The following MSH3 variants were observed in gnomAD, a reference collection of about 807,000 sequenced individuals.
MSH3 encodes mutS homolog 3.
MSH3 carries 106 observed loss-of-function variants against 123.3 expected under a neutral mutation model. The ratio of observed to expected loss-of-function variants is 0.86; its 90% CI spans 0.73 to 1.01. The LOEUF (loss-of-function observed/expected upper bound fraction) is 1.01, where lower values mean the gene tolerates loss of function less well. Ranked by LOEUF, MSH3 falls within the 50% of genes least tolerant of loss-of-function variation. The pLI, the probability that MSH3 is intolerant of heterozygous loss-of-function variation, is 0.00. For synonymous variants in MSH3, 515 were observed against 481.4 expected, an observed-to-expected ratio of 1.07 and a Z score of -0.91; for missense variants, 1,459 against 1,347.6, an observed-to-expected ratio of 1.08 and a Z score of -1.29.
chr5:80,746,057 CA>C (rs1183148271), intron 12 of MSH3, among the ~76,000 whole-genome samples: 1 of 151,572 alleles, frequency 6.6e-6, no homozygotes, highest in African/African-American at 2.4e-5. Flanking sequence ...CATCACTTTA[CA>C]AAAAAGAGGG....
chr5:80,654,899 G>T lies in MSH3; in HGVS notation c.172G>T (p.Ala58Ser). 6.8e-7 allele frequency: 1 copy of T among 1,474,792 alleles called. No individual in the cohort carries two copies. Among genetic ancestry groups the T allele is most frequent in the Non-Finnish European group, 8.9e-7 (1 of 1,118,436 alleles). 91.4% of individuals were successfully genotyped at this position (1,474,792 alleles called of 1,614,324 possible). The change falls in exon 1 of 24, where the codon GCA becomes TCA. Residue 58 changes from alanine (A) to serine (S), a missense_variant. Physicochemically the swap from Ala to Ser is moderately conservative, Grantham distance 99. Transcript: ENST00000265081. ...TGGCGCTGCAGCGGCTGCAGCGGCCGCAGCGGCCGCAGCGCCCCCAGCGCC... is the reference window on the plus strand; with the variant it reads ...TGGCGCTGCAGCGGCTGCAGCGGCCTCAGCGGCCGCAGCGCCCCCAGCGCC... ...DPGAAAAAAA[A>S]AAAAPPAPPA...
chr5:80,749,012 C>T (rs1301954240), intron 12 of MSH3, among the ~76,000 whole-genome samples: 2 of 151,826 alleles, frequency 1.3e-5, no homozygotes, highest in East Asian at 1.9e-4. Context: ...CTTTCTTCTA[C>T]CTGTACTTTA....
chr5:80,821,216 A>G (rs778166583), intron 20 of MSH3, among the ~76,000 whole-genome samples: 3 of 152,170 alleles, frequency 2.0e-5, no homozygotes, highest in Non-Finnish European at 2.9e-5. Flanking sequence ...CTAATGCCCT[A>G]TTTATTTGGA....
intron 19 of MSH3, among the ~76,000 whole-genome samples, chr5:80,799,532 T>TTTTA (rs60135681): frequency 9.8e-5 from 11 of 112,148 alleles, no homozygotes; most frequent in Admixed American, 5.2e-4. Context: ...TTTTTTTTTT[T>TTTTA]ACAGAAAATT....
intron 17 of MSH3, among the ~76,000 whole-genome samples, chr5:80,782,694 C>T (rs1388432303): frequency 6.6e-6 from 1 of 152,102 alleles, no homozygotes; most frequent in Non-Finnish European, 1.5e-5. Flanking sequence ...TGAAATTTAG[C>T]TAGAGCATTT....
rs768841078 is a variant in MSH3, at chr5:80,864,945, A to G, written c.3130+3A>G. ...GGATGAAAGCAAACTGGATCCAGGT[A>G]TGAAATATTCCTGCAGTTGGTACAA... On this transcript the variant is annotated splice_donor_region_variant and intron_variant, in intron 22 of 23. Transcript: ENST00000265081. The G allele has an allele frequency of 6.8e-6, 11 of 1,613,642 alleles. No individual in the cohort carries two copies. The highest frequency in any genetic ancestry group is 6.7e-5 in the Admixed American group (4 of 60,004).
rs549888309 is a variant in MSH3, at chr5:80,832,034, C to T, written c.2813+18293C>T. ...CTGAGGCAGGAGAATGGCGTGAACC[C>T]GGGAGGCGGAGCTTGCAGTGAGCTG... On this transcript the variant is annotated intron_variant, in intron 20 of 23. Transcript: ENST00000265081. Among the ~76,000 whole-genome samples, 8 of 151,998 alleles carry T rather than the reference C, an allele frequency of 5.3e-5. No homozygotes were observed. The East Asian group carries it at 5.8e-4, about 11-fold the overall frequency.
intron 8 of MSH3, among the ~76,000 whole-genome samples, chr5:80,710,784 CT>C (rs1750842422): frequency 6.6e-6 from 1 of 152,106 alleles, no homozygotes; most frequent in South Asian, 2.1e-4. Context: ...GAGTTCTGTC[CT>C]TAGAAAAGAT....
chr5:80,869,737 T>C (rs116764452), intron 22 of MSH3, among the ~76,000 whole-genome samples: 2,237 of 149,234 alleles, frequency 0.015, 56 homozygotes, highest in African/African-American at 0.053. Flanking sequence ...TATATAATTA[T>C]ATAAGAACAT....
At chr5:80,821,850 C>T (rs904609440) in intron 20 of MSH3, among the ~76,000 whole-genome samples, 2 of 152,240 alleles carry the variant, frequency 1.3e-5, no homozygotes, top group African/African-American at 4.8e-5. Context: ...GTATGCACAG[C>T]ATCCATGGTA....
chr5:80,850,431 T>A (rs1389755603), intron 20 of MSH3, among the ~76,000 whole-genome samples: 1 of 152,168 alleles, frequency 6.6e-6, no homozygotes, highest in East Asian at 1.9e-4. Context: ...TACCCGAGGC[T>A]GGGCAGTTTA....
chr5:80,767,917 AT>A lies in MSH3; in HGVS notation c.1897-15del, dbSNP rs750269580. 3.8e-6 allele frequency: 6 copies of A among 1,571,424 alleles called. No homozygotes were observed. Among genetic ancestry groups the A allele is most frequent in the South Asian group, 3.3e-5 (3 of 90,108 alleles). On this transcript the variant is annotated splice_polypyrimidine_tract_variant and intron_variant, in intron 13 of 23. Coordinates refer to ENST00000265081, the MANE Select transcript of MSH3 (RefSeq NM_002439.5). ...TGTATCTTATGCTATTTCATAAAAA[AT>A]ATTTCTATTTTCAGTGTTCTACCCA...
chr5:80,820,660 A>T (rs572074789), intron 20 of MSH3, among the ~76,000 whole-genome samples: 1 of 152,388 alleles, frequency 6.6e-6, no homozygotes, highest in South Asian at 2.1e-4. Context: ...TTCAAACACC[A>T]TCTAAAATAG....
intron 21 of MSH3, among the ~76,000 whole-genome samples, chr5:80,860,566 C>T (rs1027749769): frequency 2.0e-5 from 3 of 150,266 alleles, no homozygotes. Context: ...GGTGTTTCTT[C>T]CCTCTGGCTT....
intron 2 of MSH3, among the ~76,000 whole-genome samples, chr5:80,662,408 T>C (rs937311268): frequency 5.9e-5 from 9 of 152,000 alleles, no homozygotes; most frequent in African/African-American, 2.2e-4. Flanking sequence ...AGGCAGTGAG[T>C]ATTTATTATT....
At chr5:80,696,222 G>A (rs1463697362) in intron 8 of MSH3, among the ~76,000 whole-genome samples, 1 of 152,144 alleles carries the variant, frequency 6.6e-6, no homozygotes, top group African/African-American at 2.4e-5. Context: ...TGATACCATG[G>A]GGGTTAAAGC....
At chr5:80,776,589 A>G (rs1262454420) in intron 16 of MSH3, among the ~76,000 whole-genome samples, 3 of 151,988 alleles carry the variant, frequency 2.0e-5, no homozygotes, top group Admixed American at 6.6e-5. Flanking sequence ...AGAGAACCAC[A>G]TTGGGACTCT....
chr5:80,828,686 A>G (rs1745365467), intron 20 of MSH3, among the ~76,000 whole-genome samples: 1 of 152,210 alleles, frequency 6.6e-6, no homozygotes, highest in East Asian at 1.9e-4. Flanking sequence ...GGTGTAAGAC[A>G]TTCTCATTTC....
intron 20 of MSH3, among the ~76,000 whole-genome samples, chr5:80,832,103 C>A (rs574814170): frequency 5.4e-5 from 8 of 146,808 alleles, no homozygotes; most frequent in African/African-American, 2.1e-4. Context: ...AGGCGAGACT[C>A]CTTCTCAAAA....
Sources: gnomAD v4.1 joint callset for allele counts (sites outside exome capture counted in the v4.1 genomes callset) on GRCh38, gnomAD v4.1.1 for gene constraint, MANE v1.5 for transcripts, NCBI Gene and HGNC (gene_info 2026-07-23, HGNC 2026-07-21) for gene names.